CCDC73: variants seen among roughly 807,000 people sequenced by gnomAD.
The protein encoded by CCDC73 is coiled-coil domain-containing protein 73.
In CCDC73, 95 loss-of-function variants were observed where a neutral mutation model predicts 116.5. The observed-to-expected ratio is 0.82, with a 90% CI of 0.69 to 0.97. CCDC73 has a LOEUF of 0.97. Among genes scored for constraint, CCDC73 ranks in the 50% least tolerant of loss-of-function variants. The pLI is 0.00. For missense variants in CCDC73, 1,066 were observed against 1,206.8 expected, an observed-to-expected ratio of 0.88 and a Z score of 1.73; for synonymous variants, 398 against 401.3, an observed-to-expected ratio of 0.99 and a Z score of 0.10.
chr11:32,603,134 T>G, intron 17 of CCDC73, 114 bp from the exon 18 acceptor site: 1 of 761,284 alleles, frequency 1.3e-6, no homozygotes, highest in Non-Finnish European at 2.1e-6. Context: ...CTTGGCTGAT[T>G]TCCACTACCT....
rs572770682 is a variant in CCDC73 at position 32,603,220 on chromosome 11, T to C, written c.3031-200A>G. On this transcript the variant is annotated intron_variant, in intron 17 of 17. Coordinates refer to ENST00000335185, the MANE Select transcript of CCDC73 (RefSeq NM_001008391.4). ...TAGTAGATCTTCAAAATCTCTAATA[T>C]ATAACTGAAGTAAAGTGTACAAAAA... 2.5e-5 allele frequency: 12 copies of C among 485,788 alleles called. No homozygotes were observed. In the East Asian group the frequency reaches 2.9e-4, roughly 12 times the overall value. The allele number at this position is 485,788 out of a possible 1,614,324, so 30.1% of individuals were successfully genotyped here.
chr11:32,741,715 T>C (rs1850188607), intron 2 of CCDC73, among the ~76,000 whole-genome samples: 1 of 152,074 alleles, frequency 6.6e-6, no homozygotes, highest in Non-Finnish European at 1.5e-5. Context: ...AATGTGAAGT[T>C]CTGTTACATA....
At chr11:32,774,890 C>T (rs1005067135) in intron 1 of CCDC73, among the ~76,000 whole-genome samples, 3 of 152,052 alleles carry the variant, frequency 2.0e-5, no homozygotes, top group Non-Finnish European at 2.9e-5. Context: ...AGCACTAGAA[C>T]AGAAACATGT....
At chr11:32,735,134 A>G (rs557575682) in intron 2 of CCDC73, among the ~76,000 whole-genome samples, 1 of 152,014 alleles carries the variant, frequency 6.6e-6, no homozygotes, top group Admixed American at 6.6e-5. Flanking sequence ...CTATCTCACC[A>G]CTCCTATTCA....
intron 3 of CCDC73, among the ~76,000 whole-genome samples, chr11:32,709,335 G>A (rs1397037104): frequency 6.6e-6 from 1 of 152,096 alleles, no homozygotes; most frequent in Non-Finnish European, 1.5e-5. Flanking sequence ...ATCTTACTCT[G>A]TTGCCCAGGC....
intron 1 of CCDC73, among the ~76,000 whole-genome samples, chr11:32,768,057 G>A (rs1302698592): frequency 6.6e-6 from 1 of 152,186 alleles, no homozygotes; most frequent in East Asian, 1.9e-4. Flanking sequence ...CAATAGCAAA[G>A]ACTTGGAACC....
intron 16 of CCDC73, 61 bp downstream of exon 16, chr11:32,613,361 C>T (rs1477233976): frequency 1.5e-6 from 2 of 1,343,960 alleles, no homozygotes; most frequent in East Asian, 4.6e-5. Flanking sequence ...TGACTGTACA[C>T]ATTTATCAAG....
At position 32,603,001 on chromosome 11, in the gene CCDC73, A is replaced by T. The variant is rs199847743; in HGVS notation, c.3050T>A (p.Ile1017Lys). Reference sequence around the variant, plus strand: ...CAAATGGCTTTGTAGTGGAGTTGATATCAGAGGCTTTGTTTTCACCTGGGA... The same window carrying T: ...CAAATGGCTTTGTAGTGGAGTTGATTTCAGAGGCTTTGTTTTCACCTGGGA... ...PTEHVKTKPL[I>K]STPLQSHLQA... The change falls in exon 18 of 18, where the codon ATA (isoleucine) becomes AAA (lysine). Residue 1017 changes from isoleucine (I) to lysine (K), a missense_variant. Transcript: ENST00000335185. The T allele has an allele frequency of 7.2e-4, 1,159 of 1,598,698 alleles. 2 individuals carry two copies. The highest frequency in any genetic ancestry group is 1.9e-3 in the Admixed American group (107 of 55,408).
chr11:32,615,040 C>G, intron 15 of CCDC73, 98 bp from the exon 16 acceptor site: 2 of 684,632 alleles, frequency 2.9e-6, no homozygotes, highest in South Asian at 2.5e-5. Flanking sequence ...CATATTTAAC[C>G]TTAAATATTT....
At chr11:32,792,911 G>C (rs1850689670) in intron 1 of CCDC73, among the ~76,000 whole-genome samples, 1 of 152,100 alleles carries the variant, frequency 6.6e-6, no homozygotes, top group Non-Finnish European at 1.5e-5. Flanking sequence ...TGTTTTTTTA[G>C]GATTAAATGA....
intron 6 of CCDC73, among the ~76,000 whole-genome samples, chr11:32,695,764 A>T (rs1590599164): frequency 2.5e-5 from 3 of 119,646 alleles, no homozygotes; most frequent in East Asian, 3.7e-4. Flanking sequence ...AGTAATTTTT[A>T]GTTTGGTTGT....
chr11:32,631,670 A>C (rs1376293842), intron 14 of CCDC73, among the ~76,000 whole-genome samples: 1 of 151,880 alleles, frequency 6.6e-6, no homozygotes, highest in African/African-American at 2.4e-5. Context: ...GGAAGGAAGG[A>C]AAGGAAGAAA....
chr11:32,760,269 A>G lies in CCDC73; in HGVS notation c.-15-11T>C. The G allele has an allele frequency of 6.9e-7, 1 of 1,449,844 alleles. No individual in the cohort carries two copies. The highest frequency in any genetic ancestry group is 9.3e-7 in the Non-Finnish European group (1 of 1,077,406). The allele number at this position is 1,449,844 out of a possible 1,614,324, so 89.8% of individuals were successfully genotyped here. ...ATTAATATTTATTTCCTGTAATGTAAAAAGGTCTTAACTGAAAAAAAATTA... is the reference window on the plus strand; with the variant it reads ...ATTAATATTTATTTCCTGTAATGTAGAAAGGTCTTAACTGAAAAAAAATTA... On this transcript the variant is annotated splice_polypyrimidine_tract_variant and intron_variant, in intron 1 of 17. Coordinates refer to ENST00000335185, the MANE Select transcript of CCDC73 (RefSeq NM_001008391.4).
At chr11:32,762,015 C>T (rs1213500489) in intron 1 of CCDC73, among the ~76,000 whole-genome samples, 1 of 152,142 alleles carries the variant, frequency 6.6e-6, no homozygotes, top group Non-Finnish European at 1.5e-5. Flanking sequence ...ATTTGCTTTA[C>T]TCAAAGTCTG....
intron 1 of CCDC73, among the ~76,000 whole-genome samples, chr11:32,765,272 A>G (rs182561733): frequency 6.6e-6 from 1 of 152,362 alleles, no homozygotes; most frequent in East Asian, 1.9e-4. Flanking sequence ...GACCTAAGAG[A>G]CATCTACAGA....
chr11:32,748,037 T>C (rs772068305), intron 2 of CCDC73, among the ~76,000 whole-genome samples: 3 of 152,234 alleles, frequency 2.0e-5, no homozygotes, highest in Non-Finnish European at 4.4e-5. Flanking sequence ...TCAGTCTCCC[T>C]GGGAGCTGTA....
chr11:32,687,868 T>C (rs994367820), intron 6 of CCDC73, among the ~76,000 whole-genome samples: 1 of 152,128 alleles, frequency 6.6e-6, no homozygotes, highest in Non-Finnish European at 1.5e-5. Context: ...TCCTGGTACA[T>C]TTTATTTTTA....
At chr11:32,723,627 G>A (rs1850008564) in intron 2 of CCDC73, among the ~76,000 whole-genome samples, 1 of 152,164 alleles carries the variant, frequency 6.6e-6, no homozygotes, top group South Asian at 2.1e-4. Context: ...AGCCCATCTT[G>A]TAAAACTACT....
At chr11:32,780,302 A>G (rs921155072) in intron 1 of CCDC73, among the ~76,000 whole-genome samples, 1 of 151,862 alleles carries the variant, frequency 6.6e-6, no homozygotes, top group African/African-American at 2.4e-5. Context: ...ATAAATAAAT[A>G]AAATAACATA....
Sources: allele counts gnomAD v4.1 joint callset (sites outside exome capture counted in the v4.1 genomes callset), GRCh38; gene constraint gnomAD v4.1.1; transcripts MANE v1.5; gene names NCBI Gene and HGNC (gene_info 2026-07-23, HGNC 2026-07-21).